The following IFNLR1 variants were observed in gnomAD, a reference collection of about 807,000 sequenced individuals.
IFNLR1 encodes interferon lambda receptor 1.
In IFNLR1, 28 loss-of-function variants were observed where a neutral mutation model predicts 52.5. That is an observed-to-expected ratio of 0.53 (90% CI 0.40 to 0.73). The LOEUF is 0.73. IFNLR1 is among the 30% of genes least tolerant of loss of function. The probability of loss-of-function intolerance (pLI) is 0.00; values close to 1 mark genes in which losing one functional copy is unlikely to be tolerated. For missense variants in IFNLR1, 623 were observed against 659.1 expected (o/e 0.95, Z 0.60); for synonymous variants, 276 against 274.9 (o/e 1.00, Z -0.04).
rs562243702 is a variant in IFNLR1 at position 24,169,590 on chromosome 1, C to T, written c.194G>A (p.Arg65His). Reference protein sequence around the residue: ...YFVAYQSSPTRRRWREVEECA... With the variant: ...YFVAYQSSPTHRRWREVEECA... The stretch of plus-strand genomic sequence containing the variant: ...CTCTTCCACTTCGCGCCACCGTCTA[C>T]GGGTGGGAGAGCTGGGGGAGGAGAG... Residue 65 changes from arginine to histidine, a missense_variant, in exon 3 of 7, where the codon CGT (arginine) becomes CAT (histidine). Arg to His is a conservative substitution (Grantham distance 29). Coordinates refer to ENST00000327535, the MANE Select transcript of IFNLR1 (RefSeq NM_170743.4). 16 of 1,613,150 alleles carry T rather than the reference C, an allele frequency of 9.9e-6. No homozygotes were observed. Among genetic ancestry groups the T allele is most frequent in the East Asian group, 6.7e-5 (3 of 44,870 alleles).
At chr1:24,177,323 C>T (rs140501567) in intron 2 of IFNLR1, among the ~76,000 whole-genome samples, 6 of 152,264 alleles carry the variant, frequency 3.9e-5, no homozygotes, top group African/African-American at 4.8e-5. Context: ...TGACTCAGTC[C>T]GAATCTGAAA....
intron 4 of IFNLR1, among the ~76,000 whole-genome samples, chr1:24,159,846 C>T (rs979159497): frequency 2.6e-5 from 4 of 151,084 alleles, no homozygotes; most frequent in African/African-American, 7.3e-5. Flanking sequence ...TGGGCTCAAG[C>T]GATCCTCCTA....
At position 24,162,069 on chromosome 1, in the gene IFNLR1, G is replaced by A. The variant is rs74060557; in HGVS notation, c.368-385C>T. Among the ~76,000 whole-genome samples, 1,213 of 152,156 alleles carry A rather than the reference G, an allele frequency of 8.0e-3. 17 individuals are homozygous for A. The highest frequency in any genetic ancestry group is 0.027 in the African/African-American group (1,127 of 41,538). The stretch of plus-strand genomic sequence containing the variant: ...ACCACACACACAGTGCCTTAAAAAT[G>A]ATACAAACTTATTATCTCACAGTTC... On this transcript the variant is annotated intron_variant, in intron 3 of 6. Transcript: ENST00000327535.
chr1:24,185,256 G>A (rs111829690), intron 1 of IFNLR1, among the ~76,000 whole-genome samples: 81 of 152,206 alleles, frequency 5.3e-4, no homozygotes, highest in African/African-American at 1.8e-3. Flanking sequence ...TCCAAAGTCC[G>A]AGCTCTTGAC....
chr1:24,166,176 CCCAT>C (rs143399355), intron 3 of IFNLR1, among the ~76,000 whole-genome samples: 111,009 of 149,352 alleles, frequency 0.74, 41,537 homozygotes, highest in Middle Eastern at 0.8. Context: ...TCCTTTCCTT[CCCAT>C]CCATCCATCC....
chr1:24,180,716 G>C lies in IFNLR1; in HGVS notation c.182+15C>G. Reference sequence around the variant, plus strand: ...CTCAGTCTTCCCATCCACCAGCCGAGAGAGTCCCCTCTACCTCTGATAGGC... The same window carrying C: ...CTCAGTCTTCCCATCCACCAGCCGACAGAGTCCCCTCTACCTCTGATAGGC... On this transcript the variant is annotated intron_variant, in intron 2 of 6. Coordinates refer to ENST00000327535, the MANE Select transcript of IFNLR1 (RefSeq NM_170743.4). 3 of 1,424,534 alleles carry C rather than the reference G, an allele frequency of 2.1e-6. No individual in the cohort carries two copies. The highest frequency in any genetic ancestry group is 2.8e-6 in the Non-Finnish European group (3 of 1,056,910). The allele number at this position is 1,424,534 out of a possible 1,614,324, so 88.2% of individuals were successfully genotyped here. A position where few individuals can be genotyped will look rare whatever the true frequency, so the allele number is the denominator to read the frequency against.
chr1:24,170,663 A>T lies in IFNLR1; in HGVS notation c.183-1062T>A, dbSNP rs752789151. ...CAGGAGCCACCGTGCCTGGCCTAAC[A>T]TGTTTTTACAAGATCACTCTGGTCA... On this transcript the variant is annotated intron_variant, in intron 2 of 6. Coordinates refer to ENST00000327535, the MANE Select transcript of IFNLR1 (RefSeq NM_170743.4). Among the ~76,000 whole-genome samples the T allele has an allele frequency of 2.6e-5, 4 of 152,214 alleles. No individual in the cohort carries two copies. The South Asian group carries it at 8.3e-4, about 32-fold the overall frequency.
chr1:24,162,843 C>CTTTCTTTCTTTCTTTCTTTCT (rs1644471031), intron 3 of IFNLR1, among the ~76,000 whole-genome samples: 1 of 55,502 alleles, frequency 1.8e-5, no homozygotes, highest in African/African-American at 7.9e-5. Flanking sequence ...TTCTTTCTTT[C>CTTTCTTTCTTTCTTTCTTTCT]TTTCTTTCTT....
intron 4 of IFNLR1, 80 bp from the exon 5 acceptor site, chr1:24,159,713 G>A: frequency 2.0e-6 from 2 of 990,734 alleles, no homozygotes; most frequent in South Asian, 1.8e-5. Context: ...GGGGTTGGCA[G>A]ACATGGTAGG....
At chr1:24,162,830 CTTTT>C (rs1644469320) in intron 3 of IFNLR1, among the ~76,000 whole-genome samples, 1 of 36,822 alleles carries the variant, frequency 2.7e-5, no homozygotes, top group African/African-American at 1.2e-4. Context: ...TTCTTTCTTT[CTTTT>C]CTTTCTTTCT....
chr1:24,157,065 G>A lies in IFNLR1; in HGVS notation c.*65C>T. 6.6e-7 allele frequency: 1 copy of A among 1,521,420 alleles called. No individual in the cohort carries two copies. The highest frequency in any genetic ancestry group is 8.8e-7 in the Non-Finnish European group (1 of 1,134,630). The allele number at this position is 1,521,420 out of a possible 1,614,324, so 94.2% of individuals were successfully genotyped here. On this transcript the variant is annotated 3_prime_UTR_variant, in exon 7 of 7. Transcript: ENST00000327535. This position sits in a 1 kb window ranked among gnomAD's most constrained non-coding sequence, Gnocchi z 5.1. The stretch of plus-strand genomic sequence containing the variant: ...GGTACGGAGGCTCTTGAGTTTCTTG[G>A]GAAGCCCAGTAGTCCTTGCAAAGGC...
intron 1 of IFNLR1, among the ~76,000 whole-genome samples, chr1:24,182,732 C>T (rs2148604177): frequency 6.6e-6 from 1 of 152,068 alleles, no homozygotes; most frequent in African/African-American, 2.4e-5. Flanking sequence ...CCAGCCTGAC[C>T]AACATGGTGA....
rs1644479220 is a variant in IFNLR1, at chr1:24,162,952, T to TTC, written c.368-1269_368-1268insGA. On this transcript the variant is annotated intron_variant, in intron 3 of 6. Coordinates refer to ENST00000327535, the MANE Select transcript of IFNLR1 (RefSeq NM_170743.4). Reference sequence around the variant, plus strand: ...TTTCTTTCTTTCTCTTTCTTTCTTCTTTCTTTCCTCTTTTTTTTTTTTTTT... The same window carrying TTC: ...TTTCTTTCTTTCTCTTTCTTTCTTCTTCTTCTTTCCTCTTTTTTTTTTTTTTT... Among the ~76,000 whole-genome samples, 2 of 118,960 alleles carry TTC rather than the reference T, an allele frequency of 1.7e-5. 1 individual carries two copies. Among genetic ancestry groups the TTC allele is most frequent in the Non-Finnish European group, 3.5e-5 (2 of 57,768 alleles). The allele number at this position is 118,960 out of a possible 152,430, so 78.0% of individuals were successfully genotyped here. A position where few individuals can be genotyped will look rare whatever the true frequency, so the allele number is the denominator to read the frequency against.
chr1:24,161,655 T>C lies in IFNLR1; in HGVS notation c.397A>G (p.Thr133Ala). ...GCACTCAGGATCTCCTCCGTCTGGG[T>C]GAGCACCAGGACAGGTGGGGCCGGC... ...VEPAPPVLVL[T>A]QTEEILSANA... The change falls in exon 4 of 7, where the codon ACC (threonine) becomes GCC (alanine). Residue 133 changes from threonine to alanine, a missense_variant. Transcript: ENST00000327535. 3.3e-6 allele frequency: 5 copies of C among 1,533,248 alleles called. No homozygotes were observed. Among genetic ancestry groups the C allele is most frequent in the Non-Finnish European group, 4.4e-6 (5 of 1,136,684 alleles). The allele number at this position is 1,533,248 out of a possible 1,614,324, so 95.0% of individuals were successfully genotyped here. A position where few individuals can be genotyped will look rare whatever the true frequency, so the allele number is the denominator to read the frequency against.
rs1384552433 is a variant in IFNLR1 at position 24,161,290 on chromosome 1, T to C, written c.510+252A>G. 5 of 591,458 alleles carry C rather than the reference T, an allele frequency of 8.5e-6. No homozygotes were observed. In the East Asian group the frequency reaches 1.1e-4, roughly 14 times the overall value. 36.6% of individuals were successfully genotyped at this position (591,458 alleles called of 1,614,324 possible). On this transcript the variant is annotated intron_variant, in intron 4 of 6. Transcript: ENST00000327535. Reference sequence around the variant, plus strand: ...ATGTGTGGTCATCTCTGGGTACTTTTGGTCTGCTTCTTAGAGCTTATCTGT... The same window carrying C: ...ATGTGTGGTCATCTCTGGGTACTTTCGGTCTGCTTCTTAGAGCTTATCTGT...
At chr1:24,185,784 C>A (rs971321918) in intron 1 of IFNLR1, among the ~76,000 whole-genome samples, 1 of 152,196 alleles carries the variant, frequency 6.6e-6, no homozygotes, top group Non-Finnish European at 1.5e-5. Context: ...GCAGTTAGAG[C>A]AACTTTCCTC....
intron 2 of IFNLR1, among the ~76,000 whole-genome samples, 191 bp downstream of exon 2, chr1:24,180,540 T>C (rs961433808): frequency 6.6e-6 from 1 of 152,032 alleles, no homozygotes; most frequent in African/African-American, 2.4e-5. Context: ...TGCTCTTCAT[T>C]CAACATCTTC....
intron 2 of IFNLR1, among the ~76,000 whole-genome samples, chr1:24,174,734 A>G (rs1274106753): frequency 6.6e-6 from 1 of 152,244 alleles, no homozygotes; most frequent in Non-Finnish European, 1.5e-5. Context: ...TTCTAAGCAA[A>G]GTGCTGAAGG....
intron 2 of IFNLR1, among the ~76,000 whole-genome samples, chr1:24,176,234 C>T (rs908981453): frequency 1.6e-4 from 25 of 152,154 alleles, no homozygotes; most frequent in African/African-American, 5.3e-4. Context: ...GAGCCAGACA[C>T]GAAAGGGTAC....
Sources: allele counts gnomAD v4.1 joint callset (sites outside exome capture counted in the v4.1 genomes callset), GRCh38; gene constraint gnomAD v4.1.1; non-coding constraint Gnocchi (gnomAD v3.1); transcripts MANE v1.5; gene names NCBI Gene and HGNC (gene_info 2026-07-23, HGNC 2026-07-21).